Variants in RUNX1 observed in about 807,000 individuals in gnomAD.
RUNX1 encodes the protein runt-related transcription factor 1.
Under a neutral mutation model 42.8 loss-of-function variants are expected in RUNX1, and 19 were observed. The observed-to-expected ratio is 0.44, with a 90% CI of 0.31 to 0.65. The LOEUF is 0.65. RUNX1 is among the 30% of genes least tolerant of loss of function. The probability of loss-of-function intolerance (pLI) is 0.07; values close to 1 mark genes in which losing one functional copy is unlikely to be tolerated. For synonymous variants in RUNX1, 271 were observed against 289.4 expected, an observed-to-expected ratio of 0.94 and a Z score of 0.64; for missense variants, 528 against 672.0, an observed-to-expected ratio of 0.79 and a Z score of 2.37.
intron 2 of RUNX1, among the ~76,000 whole-genome samples, chr21:34,931,889 T>A (rs1187295509): frequency 6.6e-6 from 1 of 151,954 alleles, no homozygotes; most frequent in African/African-American, 2.4e-5. Flanking sequence ...CCCTGAGAAG[T>A]CTGTACTGAA....
intron 6 of RUNX1, among the ~76,000 whole-genome samples, chr21:34,840,265 AGGACC>A (rs2057213783): frequency 6.6e-6 from 1 of 152,228 alleles, no homozygotes; most frequent in Non-Finnish European, 1.5e-5. Context: ...GAGTGCCCAC[AGGACC>A]GGGTGTTAAT....
At chr21:34,823,955 C>G (rs569665768) in intron 7 of RUNX1, among the ~76,000 whole-genome samples, 14 of 152,318 alleles carry the variant, frequency 9.2e-5, no homozygotes, top group African/African-American at 3.4e-4. Context: ...TTGGAAGACA[C>G]TTTTCAAAAT....
At chr21:34,952,142 T>C (rs1404476294) in intron 2 of RUNX1, among the ~76,000 whole-genome samples, 1 of 152,048 alleles carries the variant, frequency 6.6e-6, no homozygotes, top group Non-Finnish European at 1.5e-5. Context: ...AACCAAACAC[T>C]ACATGTTCTC....
At chr21:34,852,091 C>T (rs2057428308) in intron 6 of RUNX1, among the ~76,000 whole-genome samples, 1 of 152,142 alleles carries the variant, frequency 6.6e-6, no homozygotes, top group Admixed American at 6.5e-5. Context: ...TTGCTTGAAC[C>T]CAGGAGGTGG....
At position 34,933,628 on chromosome 21, in the gene RUNX1, T is replaced by G. The variant is rs117892449; in HGVS notation, c.59-40665A>C. On this transcript the variant is annotated intron_variant, in intron 2 of 8. Coordinates refer to ENST00000675419, the MANE Select transcript of RUNX1 (RefSeq NM_001754.5). Reference sequence around the variant, plus strand: ...GAAAGTAGAGTATTTTCAAGACCTATGTTCCTTTTGAAATAAAAAGTTCCT... The same window carrying G: ...GAAAGTAGAGTATTTTCAAGACCTAGGTTCCTTTTGAAATAAAAAGTTCCT... Among the ~76,000 whole-genome samples, 48 of 152,354 alleles carry G rather than the reference T, an allele frequency of 3.2e-4. No homozygotes were observed. The East Asian group carries it at 7.9e-3, about 25-fold the overall frequency.
intron 2 of RUNX1, among the ~76,000 whole-genome samples, chr21:34,993,668 GAC>G (rs1296752007): frequency 1.6e-4 from 8 of 50,876 alleles, no homozygotes; most frequent in East Asian, 9.4e-4. Context: ...GACACACAGA[GAC>G]ACACACACAG....
At chr21:34,807,099 T>C (rs2056690333) in intron 7 of RUNX1, among the ~76,000 whole-genome samples, 1 of 151,530 alleles carries the variant, frequency 6.6e-6, no homozygotes, top group African/African-American at 2.4e-5. Flanking sequence ...AGAGAAGAAA[T>C]AATAAAAATT....
At chr21:34,905,130 C>T (rs1227978914) in intron 2 of RUNX1, among the ~76,000 whole-genome samples, 1 of 152,218 alleles carries the variant, frequency 6.6e-6, no homozygotes, top group Non-Finnish European at 1.5e-5. Context: ...AGTGAACTCA[C>T]TCTAGGAGAC....
chr21:34,919,697 CA>C (rs557130019), intron 2 of RUNX1, among the ~76,000 whole-genome samples: 94 of 152,302 alleles, frequency 6.2e-4, no homozygotes, highest in African/African-American at 2.2e-3. Flanking sequence ...AGAATTGAAA[CA>C]AAATTAGATT....
In RUNX1 at chr21:34,792,753, CG is replaced by C. The variant is rs1569003218; in HGVS notation, c.968-144del. 5.0e-6 allele frequency: 4 copies of C among 794,542 alleles called. No individual in the cohort carries two copies. Among genetic ancestry groups the C allele is most frequent in the Non-Finnish European group, 7.8e-6 (4 of 514,454 alleles). The allele number at this position is 794,542 out of a possible 1,614,324, so 49.2% of individuals were successfully genotyped here. On this transcript the variant is annotated intron_variant, in intron 8 of 8. Coordinates refer to ENST00000675419, the MANE Select transcript of RUNX1 (RefSeq NM_001754.5). The surrounding 1 kb of genome is among the most constrained non-coding windows in gnomAD (Gnocchi z 6.9). ...CCCAGGATGCTACTGCTGGGGAGGA[CG>C]GGGACCACCCGGGATGCTACTCCCA... is the stretch of plus-strand genomic sequence containing the variant.
chr21:34,796,532 A>G (rs1250123082), intron 8 of RUNX1, among the ~76,000 whole-genome samples: 1 of 152,176 alleles, frequency 6.6e-6, no homozygotes, highest in African/African-American at 2.4e-5. Context: ...AGAGTTTTTA[A>G]GAGTAGGAAA....
intron 7 of RUNX1, among the ~76,000 whole-genome samples, chr21:34,813,371 A>C (rs967979673): frequency 4.6e-5 from 7 of 152,144 alleles, no homozygotes; most frequent in African/African-American, 1.7e-4. Context: ...TGACTTCTAG[A>C]GGTGCTCTTC....
intron 3 of RUNX1, chr21:34,888,299 A>G: frequency 2.8e-6 from 3 of 1,067,558 alleles, no homozygotes; most frequent in Non-Finnish European, 3.4e-6. Flanking sequence ...ATCGAAACAG[A>G]TCGGGCGGCT....
intron 2 of RUNX1, among the ~76,000 whole-genome samples, chr21:35,031,733 T>C (rs1470569733): frequency 6.6e-6 from 1 of 152,092 alleles, no homozygotes; most frequent in East Asian, 1.9e-4. Context: ...ATGGATGAAC[T>C]TGGAGTACAT....
At chr21:34,987,978 T>C (rs1298916166) in intron 2 of RUNX1, among the ~76,000 whole-genome samples, 4 of 152,318 alleles carry the variant, frequency 2.6e-5, no homozygotes, top group Non-Finnish European at 4.4e-5. Flanking sequence ...TTCTTATTTA[T>C]AGAATGAGAC....
At chr21:34,822,071 C>CTGGT (rs1033532888) in intron 7 of RUNX1, among the ~76,000 whole-genome samples, 44 of 152,344 alleles carry the variant, frequency 2.9e-4, no homozygotes, top group African/African-American at 1.1e-3. Flanking sequence ...GGCAACCCTA[C>CTGGT]TGGTTTTCCT....
At chr21:34,930,268 A>G (rs866086028) in intron 2 of RUNX1, among the ~76,000 whole-genome samples, 6 of 121,276 alleles carry the variant, frequency 4.9e-5, no homozygotes, top group African/African-American at 7.9e-5. Flanking sequence ...GTGTGTGTGT[A>G]TGTATATATA....
At chr21:34,891,947 C>A (rs535459975) in intron 3 of RUNX1, among the ~76,000 whole-genome samples, 7 of 152,166 alleles carry the variant, frequency 4.6e-5, no homozygotes, top group Non-Finnish European at 1.0e-4. Flanking sequence ...AGGTAAAGAA[C>A]TATAGGTGGT....
intron 2 of RUNX1, among the ~76,000 whole-genome samples, chr21:34,918,355 GA>G (rs1003501446): frequency 6.6e-6 from 1 of 151,964 alleles, no homozygotes; most frequent in Non-Finnish European, 1.5e-5. Flanking sequence ...GGTCTGAGTT[GA>G]AAAAAATGTA....
Sources: allele counts gnomAD v4.1 joint callset (sites outside exome capture counted in the v4.1 genomes callset), GRCh38; gene constraint gnomAD v4.1.1; non-coding constraint Gnocchi (gnomAD v3.1); transcripts MANE v1.5; gene names NCBI Gene and HGNC (gene_info 2026-07-23, HGNC 2026-07-21).